Variants in CD36 observed in about 807,000 individuals in gnomAD.
The protein encoded by CD36 is CD36 molecule (CD36 blood group).
CD36 carries 119 observed loss-of-function variants against 55.2 expected under a neutral mutation model. The observed-to-expected ratio is 2.15, with a 90% CI of 1.86 to 2.51. CD36 has a LOEUF of 2.51. Among genes scored for constraint, CD36 ranks in the 30% most tolerant of loss-of-function variants. The probability of loss-of-function intolerance (pLI) is 0.00; values close to 1 mark genes in which losing one functional copy is unlikely to be tolerated. For missense variants in CD36, 819 were observed against 555.5 expected (o/e 1.47, Z -4.77); for synonymous variants, 186 against 193.6 (o/e 0.96, Z 0.33).
At position 80,664,550 on chromosome 7, in the gene CD36, G is replaced by A. The variant is rs895715760; in HGVS notation, c.701+53G>A. The A allele has an allele frequency of 2.1e-5, 20 of 955,170 alleles. 1 individual carries two copies. In the South Asian group the frequency reaches 2.4e-4, roughly 12 times the overall value. The allele number at this position is 955,170 out of a possible 1,614,324, so 59.2% of individuals were successfully genotyped here. On this transcript the variant is annotated intron_variant, in intron 7 of 14. Coordinates refer to ENST00000447544, the MANE Select transcript of CD36 (RefSeq NM_001001548.3). ...ATGTTACTAGGGTACTCTTAAGCAG[G>A]AATAGTATTCATTTAACATCTCATA...
intron 1 of CD36, among the ~76,000 whole-genome samples, chr7:80,644,263 T>C (rs1795001736): frequency 6.6e-6 from 1 of 152,100 alleles, no homozygotes; most frequent in Admixed American, 6.6e-5. Flanking sequence ...GAACAATTAA[T>C]AAAAAGCCAG....
At position 80,661,157 on chromosome 7, in the gene CD36, C is replaced by T. The variant is rs373802173; in HGVS notation, c.376C>T (p.Leu126=). Residue 126 remains leucine, a synonymous_variant, in exon 5 of 15, where the codon CTA becomes TTA. Coordinates refer to ENST00000447544, the MANE Select transcript of CD36 (RefSeq NM_001001548.3). ...QPNGAIFEPS[L]SVGTEADNFT... The stretch of plus-strand genomic sequence containing the variant: ...CAATGGTGCCATCTTCGAACCTTCA[C>T]TATCAGTTGGAACAGAGGCTGACAA... The T allele has an allele frequency of 6.2e-7, 1 of 1,613,956 alleles. No homozygotes were observed. The highest frequency in any genetic ancestry group is 1.1e-5 in the South Asian group (1 of 91,076).
intron 1 of CD36, chr7:80,602,479 A>C (rs1348285160): frequency 6.6e-6 from 1 of 152,126 alleles, no homozygotes; most frequent in Non-Finnish European, 1.5e-5. Context: ...GCTCTCTAGA[A>C]AGGTAATTAT....
Position 80,672,848 on chromosome 7 carries a change from GTC to G in CD36, c.1199+9_1199+10del. 2 of 1,600,564 alleles carry G rather than the reference GTC, an allele frequency of 1.2e-6. No individual in the cohort carries two copies. Among genetic ancestry groups the G allele is most frequent in the Non-Finnish European group, 1.7e-6 (2 of 1,169,116 alleles). Reference sequence around the variant, plus strand: ...CAAGCCATCAGAAAAAATTCAGTGAGTCTCTTGAAAATGGTTATTTTGATATG... The same window carrying G: ...CAAGCCATCAGAAAAAATTCAGTGAGTCTTGAAAATGGTTATTTTGATATG... On this transcript the variant is annotated splice_donor_region_variant and intron_variant, in intron 12 of 14. Coordinates refer to ENST00000447544, the MANE Select transcript of CD36 (RefSeq NM_001001548.3).
intron 3 of CD36, among the ~76,000 whole-genome samples, chr7:80,654,966 A>C (rs1217939385): frequency 6.6e-6 from 1 of 151,782 alleles, no homozygotes; most frequent in Non-Finnish European, 1.5e-5. Context: ...TCATGAATTC[A>C]CTACTGTTTG....
chr7:80,624,757 T>C (rs1190763867), intron 1 of CD36, among the ~76,000 whole-genome samples: 1 of 152,026 alleles, frequency 6.6e-6, no homozygotes, highest in Non-Finnish European at 1.5e-5. Context: ...CTTCCTAGTA[T>C]ACCCTAGGAA....
At chr7:80,616,344 C>A (rs1793151059) in intron 1 of CD36, among the ~76,000 whole-genome samples, 1 of 151,710 alleles carries the variant, frequency 6.6e-6, no homozygotes, top group African/African-American at 2.4e-5. Flanking sequence ...ACTATGGTTT[C>A]TACTGAATGT....
At chr7:80,618,142 T>A (rs547273465) in intron 1 of CD36, among the ~76,000 whole-genome samples, 1 of 152,280 alleles carries the variant, frequency 6.6e-6, no homozygotes, top group South Asian at 2.1e-4. Flanking sequence ...AGGGTCTGAG[T>A]GCAGCAGCCA....
chr7:80,660,783 AATCTGG>A lies in CD36; in HGVS notation c.282-268_282-263del, dbSNP rs201551240. Among the ~76,000 whole-genome samples, 86 of 152,182 alleles carry A rather than the reference AATCTGG, an allele frequency of 5.7e-4. No homozygotes were observed. The East Asian group carries it at 6.4e-3, about 11-fold the overall frequency. On this transcript the variant is annotated intron_variant, in intron 4 of 14. Coordinates refer to ENST00000447544, the MANE Select transcript of CD36 (RefSeq NM_001001548.3). ...CCTCACCCCTACCCTGACCATTCTAAATCTGGATCTGGATCTGTTTTGTGTTTTCCC... is the reference window on the plus strand; with the variant it reads ...CCTCACCCCTACCCTGACCATTCTAAATCTGGATCTGTTTTGTGTTTTCCC...
At position 80,670,971 on chromosome 7, in the gene CD36, A is replaced by G. The variant is rs1380174484; in HGVS notation, c.819-6A>G. ...TGGAATGCAGCTCTTTTTTCTCTGT[A>G]TTTAGGTCAATCTATGCTGTATTTG... On this transcript the variant is annotated splice_polypyrimidine_tract_variant and splice_region_variant and intron_variant, in intron 9 of 14. Coordinates refer to ENST00000447544, the MANE Select transcript of CD36 (RefSeq NM_001001548.3). The G allele has an allele frequency of 6.2e-7, 1 of 1,605,730 alleles. No individual in the cohort carries two copies. Among genetic ancestry groups the G allele is most frequent in the East Asian group, 2.2e-5 (1 of 44,746 alleles).
intron 1 of CD36, among the ~76,000 whole-genome samples, chr7:80,627,878 T>A (rs1206823729): frequency 6.6e-6 from 1 of 152,080 alleles, no homozygotes; most frequent in Non-Finnish European, 1.5e-5. Flanking sequence ...TCATTCATTC[T>A]TGTATTATAG....
chr7:80,667,846 GT>G (rs1176704598), intron 8 of CD36, among the ~76,000 whole-genome samples: 1 of 147,990 alleles, frequency 6.8e-6, no homozygotes, highest in East Asian at 2.0e-4. Flanking sequence ...GCCTCCTGGG[GT>G]TCAAGTGATT....
At chr7:80,603,109 T>C (rs1270279061) in intron 1 of CD36, among the ~76,000 whole-genome samples, 1 of 152,068 alleles carries the variant, frequency 6.6e-6, no homozygotes, top group Non-Finnish European at 1.5e-5. Flanking sequence ...GAATTTTTAT[T>C]ATATGGTGTG....
upstream of CD36, among the ~76,000 whole-genome samples, chr7:80,636,056 C>A (rs1288106625): frequency 1.3e-5 from 2 of 152,076 alleles, no homozygotes. Flanking sequence ...AGACAAGCAT[C>A]CCCCTCTGCA....
At chr7:80,604,313 T>C (rs1792410593) in intron 1 of CD36, among the ~76,000 whole-genome samples, 1 of 149,410 alleles carries the variant, frequency 6.7e-6, no homozygotes, top group Non-Finnish European at 1.5e-5. Context: ...AGTGTTCTGT[T>C]GTATATAGAA....
intron 1 of CD36, among the ~76,000 whole-genome samples, chr7:80,606,868 A>G (rs1014660464): frequency 1.2e-4 from 18 of 151,856 alleles, no homozygotes; most frequent in Non-Finnish European, 1.2e-4. Context: ...GGCATCACCC[A>G]TTTTCTTTCT....
At chr7:80,617,726 C>T (rs62461691) in intron 1 of CD36, among the ~76,000 whole-genome samples, 1 of 43,940 alleles carries the variant, frequency 2.3e-5, no homozygotes, top group South Asian at 5.8e-4. Flanking sequence ...GACTGTGTCT[C>T]CAAAAAAAAA....
At chr7:80,617,237 T>C (rs1032346314) in intron 1 of CD36, among the ~76,000 whole-genome samples, 1 of 151,912 alleles carries the variant, frequency 6.6e-6, no homozygotes, top group Admixed American at 6.6e-5. Context: ...TTTCAGAGGG[T>C]AGACAGTGGA....
chr7:80,616,811 C>G (rs1341064958), intron 1 of CD36, among the ~76,000 whole-genome samples: 1 of 152,074 alleles, frequency 6.6e-6, no homozygotes, highest in Non-Finnish European at 1.5e-5. Flanking sequence ...TGCAAAGTGG[C>G]TACGGCGATT....
Sources: gnomAD v4.1 joint callset for allele counts (sites outside exome capture counted in the v4.1 genomes callset) on GRCh38, gnomAD v4.1.1 for gene constraint, MANE v1.5 for transcripts, NCBI Gene and HGNC (gene_info 2026-07-23, HGNC 2026-07-21) for gene names.